Variants in AKAP7 observed in about 807,000 individuals in gnomAD.
The protein encoded by AKAP7 is A kinase (PRKA) anchor protein 7.
AKAP7 carries 39 observed loss-of-function variants against 39.5 expected under a neutral mutation model. That is an observed-to-expected ratio of 0.99 (90% CI 0.76 to 1.29). The LOEUF is 1.29. AKAP7 is among the 50% of genes most tolerant of loss of function. The pLI, the probability that AKAP7 is intolerant of heterozygous loss-of-function variation, is 0.00. For synonymous variants in AKAP7, 140 were observed against 139.1 expected (o/e 1.01, Z -0.05); for missense variants, 414 against 407.7 (o/e 1.02, Z -0.13).
At chr6:131,217,563 GCT>G (rs1809298879) in intron 6 of AKAP7, among the ~76,000 whole-genome samples, 1 of 152,106 alleles carries the variant, frequency 6.6e-6, no homozygotes, top group Admixed American at 6.5e-5. Flanking sequence ...TTGAACCATA[GCT>G]CTCTCTATAA....
In AKAP7 at chr6:131,193,306, T is replaced by A. The variant is rs116090888; in HGVS notation, c.590-6155T>A. On this transcript the variant is annotated intron_variant, in intron 5 of 7. Transcript: ENST00000431975. ...TGAAGGGATGTTGAATGTTATCAGA[T>A]GCTTTTTCAGAATCAATTGAAATGA... Among the ~76,000 whole-genome samples, 1,096 of 152,298 alleles carry A rather than the reference T, an allele frequency of 7.2e-3. 10 individuals are homozygous for A. The highest frequency in any genetic ancestry group is 0.025 in the African/African-American group (1,053 of 41,580).
At chr6:131,138,520 A>G (rs536222040) in intron 1 of AKAP7, among the ~76,000 whole-genome samples, 5 of 152,330 alleles carry the variant, frequency 3.3e-5, no homozygotes, top group African/African-American at 1.2e-4. Flanking sequence ...AGAGAGCAGT[A>G]AGAAGAACAT....
chr6:131,152,741 C>T (rs1009700541), intron 2 of AKAP7, among the ~76,000 whole-genome samples: 3 of 149,344 alleles, frequency 2.0e-5, no homozygotes. Context: ...ACATGAGAAT[C>T]GCTTGAACCT....
chr6:131,274,999 T>C (rs1410369833), intron 7 of AKAP7, among the ~76,000 whole-genome samples: 2 of 152,228 alleles, frequency 1.3e-5, no homozygotes, highest in African/African-American at 4.8e-5. Flanking sequence ...GCACTTAATC[T>C]ATTGTTTTGC....
rs568509172 is a variant in AKAP7, at chr6:131,246,128, T to C, written c.850+26320T>C. 1.6e-4 allele frequency among the ~76,000 whole-genome samples: 24 copies of C among 150,782 alleles called. No individual in the cohort carries two copies. In the South Asian group the frequency reaches 5.0e-3, roughly 31 times the overall value. On this transcript the variant is annotated intron_variant, in intron 7 of 7. Coordinates refer to ENST00000431975, the MANE Select transcript of AKAP7 (RefSeq NM_016377.4). ...ATATATATATATATATGTTCAGTTA[T>C]AGGTAGAAAAAGATGCTAACCAACA...
intron 7 of AKAP7, among the ~76,000 whole-genome samples, chr6:131,233,127 A>G (rs934580574): frequency 2.0e-5 from 3 of 150,516 alleles, no homozygotes; most frequent in African/African-American, 7.3e-5. Context: ...AAATCTGTAT[A>G]ATATAGTGTT....
At chr6:131,138,407 T>G (rs2128222926) in intron 1 of AKAP7, among the ~76,000 whole-genome samples, 1 of 152,358 alleles carries the variant, frequency 6.6e-6, no homozygotes, top group East Asian at 1.9e-4. Context: ...ATCTTGGCTA[T>G]TGTACCATTT....
intron 7 of AKAP7, among the ~76,000 whole-genome samples, chr6:131,277,480 G>C (rs1402733004): frequency 6.6e-6 from 1 of 152,192 alleles, no homozygotes; most frequent in African/African-American, 2.4e-5. Context: ...TGTTGCGCCA[G>C]CATGTTGAAC....
At chr6:131,252,795 A>T (rs1193451785) in intron 7 of AKAP7, among the ~76,000 whole-genome samples, 1 of 152,144 alleles carries the variant, frequency 6.6e-6, no homozygotes, top group African/African-American at 2.4e-5. Flanking sequence ...ATTGTACCGT[A>T]ACCTCCTGGG....
intron 7 of AKAP7, among the ~76,000 whole-genome samples, chr6:131,228,729 T>G (rs114000541): frequency 0.03 from 4,568 of 152,146 alleles, 215 homozygotes; most frequent in African/African-American, 0.1. Flanking sequence ...TTAGATACTT[T>G]TAGGGGGTCA....
chr6:131,278,549 T>A (rs1814934364), intron 7 of AKAP7, among the ~76,000 whole-genome samples: 1 of 152,126 alleles, frequency 6.6e-6, no homozygotes, highest in African/African-American at 2.4e-5. Context: ...TGGCTCATGG[T>A]TCCACAGGCT....
chr6:131,177,493 C>G (rs906295328), intron 5 of AKAP7, among the ~76,000 whole-genome samples: 1 of 152,102 alleles, frequency 6.6e-6, no homozygotes, highest in African/African-American at 2.4e-5. Context: ...CTAATCCAGT[C>G]CCATGAAAGT....
intron 2 of AKAP7, among the ~76,000 whole-genome samples, chr6:131,154,286 A>G (rs1013075455): frequency 6.6e-6 from 1 of 152,000 alleles, no homozygotes; most frequent in African/African-American, 2.4e-5. Flanking sequence ...GCAATTTGGG[A>G]AAAAAATAAC....
intron 5 of AKAP7, chr6:131,184,804 G>A: frequency 6.9e-7 from 1 of 1,454,182 alleles, no homozygotes; most frequent in Non-Finnish European, 9.7e-7. Context: ...AGCCAAGTGA[G>A]AGTGGGCATA....
intron 2 of AKAP7, among the ~76,000 whole-genome samples, chr6:131,151,999 G>T (rs957376520): frequency 1.3e-5 from 2 of 152,114 alleles, no homozygotes; most frequent in Non-Finnish European, 2.9e-5. Flanking sequence ...AATAGAACTT[G>T]AGAAAAAATT....
Position 131,281,243 on chromosome 6 carries a change from G to T in AKAP7, c.851-287G>T, listed in dbSNP as rs547051077. 2.0e-4 allele frequency among the ~76,000 whole-genome samples: 31 copies of T among 152,296 alleles called. No individual in the cohort carries two copies. The highest frequency in any genetic ancestry group is 8.8e-5 in the Non-Finnish European group (6 of 68,022). On this transcript the variant is annotated intron_variant, in intron 7 of 7. Transcript: ENST00000431975. This position sits in a 1 kb window ranked among gnomAD's most constrained non-coding sequence, Gnocchi z 4.0. Reference sequence around the variant, plus strand: ...GACGTTAGTAGTAGTAATTAGCCTTGGATGAGAGAAGAACAGAAATTCACA... The same window carrying T: ...GACGTTAGTAGTAGTAATTAGCCTTTGATGAGAGAAGAACAGAAATTCACA...
intron 6 of AKAP7, among the ~76,000 whole-genome samples, chr6:131,218,435 A>G (rs1029824865): frequency 6.6e-6 from 1 of 150,498 alleles, no homozygotes; most frequent in Non-Finnish European, 1.5e-5. Flanking sequence ...GAGAAAAAAT[A>G]TACTTTGTGT....
chr6:131,276,993 G>C (rs1814796907), intron 7 of AKAP7, among the ~76,000 whole-genome samples: 1 of 152,078 alleles, frequency 6.6e-6, no homozygotes, highest in Admixed American at 6.5e-5. Context: ...AAATATTTTT[G>C]CTACCACAAA....
At position 131,240,315 on chromosome 6, in the gene AKAP7, C is replaced by T. The variant is rs1211960815; in HGVS notation, c.850+20507C>T. On this transcript the variant is annotated intron_variant, in intron 7 of 7. Transcript: ENST00000431975. ...GGCCGTGTGAGGTGTCAGTCTGCCC[C>T]TACTGGGGGGTGTCTCCCAGTTAGG... Among the ~76,000 whole-genome samples the T allele has an allele frequency of 2.6e-5, 4 of 152,344 alleles. No individual in the cohort carries two copies. In the South Asian group the frequency reaches 8.3e-4, roughly 32 times the overall value.
Sources: allele counts gnomAD v4.1 joint callset (sites outside exome capture counted in the v4.1 genomes callset), GRCh38; gene constraint gnomAD v4.1.1; non-coding constraint Gnocchi (gnomAD v3.1); transcripts MANE v1.5; gene names NCBI Gene and HGNC (gene_info 2026-07-23, HGNC 2026-07-21).